Variants in HES7 observed in about 807,000 individuals in gnomAD.
The protein encoded by HES7 is hes family bHLH transcription factor 7, also known as transcription factor HES-7.
Under a neutral mutation model 18.0 loss-of-function variants are expected in HES7, and 8 were observed. That is an observed-to-expected ratio of 0.45 (90% CI 0.26 to 0.80). The LOEUF (loss-of-function observed/expected upper bound fraction) is 0.80, where lower values mean the gene tolerates loss of function less well. Ranked by LOEUF, HES7 falls within the 30% of genes least tolerant of loss-of-function variation. HES7 has a pLI of 0.18. For missense variants in HES7, 356 were observed against 340.9 expected (o/e 1.04, Z -0.35); for synonymous variants, 170 against 158.6 (o/e 1.07, Z -0.54).
chr17:8,122,480 G>A lies in HES7; in HGVS notation c.139-50C>T. On this transcript the variant is annotated intron_variant, in intron 2 of 3. Coordinates refer to ENST00000541682, the MANE Select transcript of HES7 (RefSeq NM_001165967.2). The surrounding 1 kb of genome is among the most constrained non-coding windows in gnomAD (Gnocchi z 6.9). ...GAGACAGAAAGGGGTGGGGAGAAAG[G>A]GGGAAAGTGGCAGGGGGAAGAAGGG... 7.7e-7 allele frequency: 1 copy of A among 1,306,030 alleles called. No homozygotes were observed. The highest frequency in any genetic ancestry group is 1.1e-6 in the Non-Finnish European group (1 of 924,472). 80.9% of individuals were successfully genotyped at this position (1,306,030 alleles called of 1,614,324 possible).
chr17:8,124,303 G>A (rs1033134940), upstream of HES7, among the ~76,000 whole-genome samples: 2 of 152,252 alleles, frequency 1.3e-5, no homozygotes, highest in African/African-American at 4.8e-5. Context: ...GGGTGAATGG[G>A]GGCACTGGCT....
chr17:8,121,025 T>C lies in HES7; in HGVS notation c.*546A>G, dbSNP rs1359595532. The C allele has an allele frequency of 6.7e-6, 1 of 149,244 alleles. No individual in the cohort carries two copies. The highest frequency in any genetic ancestry group is 1.5e-5 in the Non-Finnish European group (1 of 67,244). 9.2% of individuals were successfully genotyped at this position (149,244 alleles called of 1,614,324 possible). ...CCCACCAGAGTCGATTTTATTTCAA[T>C]TTTTCCTTTTTATCCGTTTTTTTCT... On this transcript the variant is annotated 3_prime_UTR_variant, in exon 4 of 4. Transcript: ENST00000541682.
At position 8,122,305 on chromosome 17, in the gene HES7, C is replaced by G. The variant is rs1981393600; in HGVS notation, c.226+38G>C. 4.8e-6 allele frequency: 7 copies of G among 1,460,556 alleles called. No individual in the cohort carries two copies. The highest frequency in any genetic ancestry group is 6.6e-6 in the Non-Finnish European group (7 of 1,065,254). The allele number at this position is 1,460,556 out of a possible 1,614,324, so 90.5% of individuals were successfully genotyped here. On this transcript the variant is annotated intron_variant, in intron 3 of 3. Coordinates refer to ENST00000541682, the MANE Select transcript of HES7 (RefSeq NM_001165967.2). The surrounding 1 kb of genome is among the most constrained non-coding windows in gnomAD (Gnocchi z 6.9). ...CCCCGGCCGGAGCCTCCTGGCGTCCCCCCTCCCTCCCTCCGCTGCCCCACC... is the reference window on the plus strand; with the variant it reads ...CCCCGGCCGGAGCCTCCTGGCGTCCGCCCTCCCTCCCTCCGCTGCCCCACC...
In HES7 at chr17:8,121,692, T is replaced by C; in HGVS notation, c.572A>G (p.Asp191Gly). The stretch of plus-strand genomic sequence containing the variant: ...GGTGAGGGGCGCCGGCGCGCCAGAA[T>C]CCCCGGCGCGCGGGGAGCAGAGGGA... ...SPSLCSPRAG[D>G]SGAPAPLTGL... Residue 191 changes from aspartate (D) to glycine (G), a missense_variant, in exon 4 of 4, where the codon GAT becomes GGT. Physicochemically the swap from Asp to Gly is moderately conservative, Grantham distance 94. Coordinates refer to ENST00000541682, the MANE Select transcript of HES7 (RefSeq NM_001165967.2). The C allele has an allele frequency of 1.5e-6, 2 of 1,326,350 alleles. No homozygotes were observed. The highest frequency in any genetic ancestry group is 9.6e-7 in the Non-Finnish European group (1 of 1,044,736). The allele number at this position is 1,326,350 out of a possible 1,614,324, so 82.2% of individuals were successfully genotyped here.
upstream of HES7, among the ~76,000 whole-genome samples, chr17:8,125,359 A>C (rs1201627551): frequency 6.6e-6 from 1 of 152,214 alleles, no homozygotes; most frequent in Non-Finnish European, 1.5e-5. Context: ...GGAGAGGCAC[A>C]GACCTTGAGG....
chr17:8,121,550 G>C lies in HES7; in HGVS notation c.*21C>G. Reference sequence around the variant, plus strand: ...AGTCTCTACCCCACCCCTAGACCCCGCCCCCACCACCCCCCAAGGCTCAGG... The same window carrying C: ...AGTCTCTACCCCACCCCTAGACCCCCCCCCCACCACCCCCCAAGGCTCAGG... On this transcript the variant is annotated 3_prime_UTR_variant, in exon 4 of 4. Coordinates refer to ENST00000541682, the MANE Select transcript of HES7 (RefSeq NM_001165967.2). The C allele has an allele frequency of 7.7e-7, 1 of 1,294,692 alleles. No homozygotes were observed. The highest frequency in any genetic ancestry group is 9.7e-7 in the Non-Finnish European group (1 of 1,027,284). The allele number at this position is 1,294,692 out of a possible 1,614,324, so 80.2% of individuals were successfully genotyped here. A position where few individuals can be genotyped will look rare whatever the true frequency, so the allele number is the denominator to read the frequency against.
In HES7 at chr17:8,121,975, A is replaced by G; in HGVS notation, c.289T>C (p.Tyr97His). 6 of 1,544,588 alleles carry G rather than the reference A, an allele frequency of 3.9e-6. No homozygotes were observed. The highest frequency in any genetic ancestry group is 5.2e-6 in the Non-Finnish European group (6 of 1,155,300). ...VQDAEALASC[Y>H]LSGFRECLLR... is the part of the protein sequence containing the mutation. ...AGGCACTCGCGGAAACCGGACAAGTAGCAGCTGGCGAGCGCCTCGGCGTCC... is the reference window on the plus strand; with the variant it reads ...AGGCACTCGCGGAAACCGGACAAGTGGCAGCTGGCGAGCGCCTCGGCGTCC... The change falls in exon 4 of 4, where the codon TAC becomes CAC. Residue 97 changes from tyrosine (Y) to histidine (H), a missense_variant. By Grantham distance (83) the Tyr-to-His change is moderately conservative. Transcript: ENST00000541682.
chr17:8,122,564 C>G lies in HES7; in HGVS notation c.139-134G>C. The G allele has an allele frequency of 1.5e-6, 1 of 687,296 alleles. No homozygotes were observed. The highest frequency in any genetic ancestry group is 2.6e-6 in the Non-Finnish European group (1 of 382,850). The allele number at this position is 687,296 out of a possible 1,614,324, so 42.6% of individuals were successfully genotyped here. A position where few individuals can be genotyped will look rare whatever the true frequency, so the allele number is the denominator to read the frequency against. ...TCGCATTTGCGCACTGCCCACAGAA[C>G]GCGCGACCAAATGCGGAGTGGAGAT... is the stretch of plus-strand genomic sequence containing the variant. On this transcript the variant is annotated intron_variant, in intron 2 of 3. Coordinates refer to ENST00000541682, the MANE Select transcript of HES7 (RefSeq NM_001165967.2). This position sits in a 1 kb window ranked among gnomAD's most constrained non-coding sequence, Gnocchi z 6.9.
In HES7 at chr17:8,123,380, C is replaced by A. The variant is rs1332807956; in HGVS notation, c.43-254G>T. 1 of 575,872 alleles carries A rather than the reference C, an allele frequency of 1.7e-6. No homozygotes were observed. The highest frequency in any genetic ancestry group is 2.9e-5 in the East Asian group (1 of 34,516). 35.7% of individuals were successfully genotyped at this position (575,872 alleles called of 1,614,324 possible). A position where few individuals can be genotyped will look rare whatever the true frequency, so the allele number is the denominator to read the frequency against. ...GTCCTCCCTCCTCCCCTCTCTGTGTCTCTCCTCCTCTTTTCTCTCTACGTC... is the reference window on the plus strand; with the variant it reads ...GTCCTCCCTCCTCCCCTCTCTGTGTATCTCCTCCTCTTTTCTCTCTACGTC... On this transcript the variant is annotated intron_variant, in intron 1 of 3. Coordinates refer to ENST00000541682, the MANE Select transcript of HES7 (RefSeq NM_001165967.2). The surrounding 1 kb of genome is among the most constrained non-coding windows in gnomAD (Gnocchi z 5.9).
Position 8,121,648 on chromosome 17 carries a change from G to A in HES7, c.616C>T (p.Pro206Ser). 7.6e-7 allele frequency: 1 copy of A among 1,321,392 alleles called. No individual in the cohort carries two copies. The highest frequency in any genetic ancestry group is 9.6e-7 in the Non-Finnish European group (1 of 1,043,344). 81.9% of individuals were successfully genotyped at this position (1,321,392 alleles called of 1,614,324 possible). A position where few individuals can be genotyped will look rare whatever the true frequency, so the allele number is the denominator to read the frequency against. The change falls in exon 4 of 4, where the codon CCG becomes TCG. Residue 206 changes from proline (P) to serine (S), a missense_variant. By Grantham distance (74) the Pro-to-Ser change is moderately conservative. Transcript: ENST00000541682. ...GCCCCGTCTTGTCTGTGAGGCGGCG[G>A]TGGCGGCGGCAGCAGTCCGGTGAGG... ...APLTGLLPPPPPPHRQDGAPK... is the reference protein window; with the variant it reads ...APLTGLLPPPSPPHRQDGAPK...
chr17:8,125,864 G>A (rs1464153980), upstream of HES7, among the ~76,000 whole-genome samples: 2 of 152,150 alleles, frequency 1.3e-5, no homozygotes, highest in Admixed American at 1.3e-4. Context: ...TAATATATTT[G>A]GTAGCATTTC....
Position 8,123,406 on chromosome 17 carries a change from T to C in HES7, c.43-280A>G. On this transcript the variant is annotated intron_variant, in intron 1 of 3. Transcript: ENST00000541682. This position sits in a 1 kb window ranked among gnomAD's most constrained non-coding sequence, Gnocchi z 5.9. ...TCTCCTCCTCTTTTCTCTCTACGTC[T>C]CCGTCTGGTGCAGTTTCTCTTTGTC... The C allele has an allele frequency of 1.9e-6, 1 of 537,744 alleles. No homozygotes were observed. Among genetic ancestry groups the C allele is most frequent in the Non-Finnish European group, 3.4e-6 (1 of 297,434 alleles). The allele number at this position is 537,744 out of a possible 1,614,324, so 33.3% of individuals were successfully genotyped here. A position where few individuals can be genotyped will look rare whatever the true frequency, so the allele number is the denominator to read the frequency against.
At chr17:8,126,629 CG>C (rs1342733058), upstream of HES7, among the ~76,000 whole-genome samples, 1 of 152,100 alleles carries the variant, frequency 6.6e-6, no homozygotes, top group Non-Finnish European at 1.5e-5. Flanking sequence ...CACTTGTGAG[CG>C]GGGCGGGGCG....
rs1157488428 is a variant in HES7 at position 8,122,349 on chromosome 17, G to A, written c.220C>T (p.Pro74Ser). 5 of 1,590,058 alleles carry A rather than the reference G, an allele frequency of 3.1e-6. No individual in the cohort carries two copies. ...CCCCACCCCCGCGCTGTACCCGGGG[G>A]CTCCACCCGGCTTCGCTCCCTCAAG... ...GYLRERSRVE[P>S]PAAAAPGVPR... Residue 74 changes from proline (P) to serine (S), a missense_variant, in exon 3 of 4, where the codon CCC becomes TCC. By Grantham distance (74) the Pro-to-Ser change is moderately conservative (BLOSUM62 -1). Transcript: ENST00000541682. The surrounding 1 kb of genome is among the most constrained non-coding windows in gnomAD (Gnocchi z 6.9).
In HES7 at chr17:8,123,060, G is replaced by A. The variant is rs1981442585; in HGVS notation, c.109C>T (p.Leu37=). 1.9e-6 allele frequency: 3 copies of A among 1,604,702 alleles called. No homozygotes were observed. The highest frequency in any genetic ancestry group is 1.7e-6 in the Non-Finnish European group (2 of 1,175,922). The change falls in exon 2 of 4, where the codon CTG becomes TTG. Residue 37 remains leucine, a synonymous_variant. Coordinates refer to ENST00000541682, the MANE Select transcript of HES7 (RefSeq NM_001165967.2). This position sits in a 1 kb window ranked among gnomAD's most constrained non-coding sequence, Gnocchi z 5.9. The part of the protein sequence containing the change: ...RINRSLEELR[L]LLLERTRDQN... ...TCCCGGGTCCGCTCCAGCAGCAGCAGCCTCAGCTCTTCCAGGCTGCGGTTG... is the reference window on the plus strand; with the variant it reads ...TCCCGGGTCCGCTCCAGCAGCAGCAACCTCAGCTCTTCCAGGCTGCGGTTG...
chr17:8,122,113 A>G lies in HES7; in HGVS notation c.227-76T>C, dbSNP rs1161468292. 2 of 1,313,874 alleles carry G rather than the reference A, an allele frequency of 1.5e-6. No individual in the cohort carries two copies. The highest frequency in any genetic ancestry group is 3.0e-5 in the African/African-American group (2 of 66,148). 81.4% of individuals were successfully genotyped at this position (1,313,874 alleles called of 1,614,324 possible). ...GTGAGGGAAGGGGCGGGGCGCAGAG[A>G]TACCAAGGCCGGACAGGCGCACAGA... On this transcript the variant is annotated intron_variant, in intron 3 of 3. Transcript: ENST00000541682. This position sits in a 1 kb window ranked among gnomAD's most constrained non-coding sequence, Gnocchi z 6.9.
upstream of HES7, among the ~76,000 whole-genome samples, chr17:8,126,124 C>T (rs1180875733): frequency 6.6e-6 from 1 of 152,096 alleles, no homozygotes; most frequent in African/African-American, 2.4e-5. Flanking sequence ...GGTCTCCCCG[C>T]CCCCCACTCT....
Position 8,121,902 on chromosome 17 carries a change from G to A in HES7, c.362C>T (p.Ala121Val). 1 of 1,567,782 alleles carries A rather than the reference G, an allele frequency of 6.4e-7. No homozygotes were observed. The highest frequency in any genetic ancestry group is 2.4e-5 in the East Asian group (1 of 41,856). Residue 121 changes from alanine (A) to valine (V), a missense_variant, in exon 4 of 4, where the codon GCC (alanine) becomes GTC (valine). Ala to Val is a moderately conservative substitution (Grantham distance 64). Transcript: ENST00000541682. ...FAHDASPAAR[A>V]QLFSALHGYL... ...GCCGTGCAGCGCGGAGAAGAGCTGG[G>A]CGCGGGCGGCCGGGCTGGCGTCGTG...
At position 8,122,684 on chromosome 17, in the gene HES7, C is replaced by T. The variant is rs958489978; in HGVS notation, c.139-254G>A. 2.0e-5 allele frequency among the ~76,000 whole-genome samples: 3 copies of T among 152,140 alleles called. No homozygotes were observed. The highest frequency in any genetic ancestry group is 7.2e-5 in the African/African-American group (3 of 41,434). Reference sequence around the variant, plus strand: ...CGCGTGAGGAGGAGATTTGAAACCGCAACCCAGGGAATGAAATTAACCACC... The same window carrying T: ...CGCGTGAGGAGGAGATTTGAAACCGTAACCCAGGGAATGAAATTAACCACC... On this transcript the variant is annotated intron_variant, in intron 2 of 3. Transcript: ENST00000541682. This position sits in a 1 kb window ranked among gnomAD's most constrained non-coding sequence, Gnocchi z 6.9.
Sources: gnomAD v4.1 joint callset for allele counts (sites outside exome capture counted in the v4.1 genomes callset) on GRCh38, gnomAD v4.1.1 for gene constraint, Gnocchi (gnomAD v3.1) non-coding constraint, MANE v1.5 for transcripts, NCBI Gene and HGNC (gene_info 2026-07-23, HGNC 2026-07-21) for gene names.